PDE9A: variants seen among roughly 807,000 people sequenced by gnomAD.
PDE9A encodes phosphodiesterase 9A.
In PDE9A, 60 loss-of-function variants were observed where a neutral mutation model predicts 87.4. The ratio of observed to expected loss-of-function variants is 0.69; its 90% CI spans 0.56 to 0.85. PDE9A has a LOEUF of 0.85. Among genes scored for constraint, PDE9A ranks in the 40% least tolerant of loss-of-function variants. The pLI is 0.00. For synonymous variants in PDE9A, 272 were observed against 279.4 expected, an observed-to-expected ratio of 0.97 and a Z score of 0.27; for missense variants, 665 against 779.0, an observed-to-expected ratio of 0.85 and a Z score of 1.74.
intron 1 of PDE9A, among the ~76,000 whole-genome samples, chr21:42,684,522 G>T (rs2059340224): frequency 6.6e-6 from 1 of 152,272 alleles, no homozygotes; most frequent in Non-Finnish European, 1.5e-5. Flanking sequence ...CCAAGTGCAG[G>T]ACTCCTCGGC....
intron 15 of PDE9A, among the ~76,000 whole-genome samples, chr21:42,766,465 A>G (rs1369430444): frequency 6.6e-6 from 1 of 152,208 alleles, no homozygotes; most frequent in Non-Finnish European, 1.5e-5. Flanking sequence ...TTTAAAATCA[A>G]TAGCATCACT....
At position 42,754,043 on chromosome 21, in the gene PDE9A, CTG is replaced by C. The variant is rs1196609755; in HGVS notation, c.790_791del (p.Trp264AlafsTer6). On this transcript the variant is annotated frameshift_variant, in exon 10 of 20. Transcript: ENST00000291539. LOFTEE classifies it high-confidence loss of function. The stretch of plus-strand genomic sequence containing the variant: ...CCCTGCGGAAGCCGACCTTTGACGT[CTG>C]GCTTTGGGAGCCCAATGAGGTAAGT... ...EALRKPTFDVWLWEPNEMLSC... is the reference protein window; with the variant it reads ...EALRKPTFDVXLWEPNEMLSC... 2 of 1,613,128 alleles carry C rather than the reference CTG, an allele frequency of 1.2e-6. No homozygotes were observed. The highest frequency in any genetic ancestry group is 1.7e-6 in the Non-Finnish European group (2 of 1,179,288).
chr21:42,656,131 A>G (rs1287104843), intron 1 of PDE9A, among the ~76,000 whole-genome samples: 1 of 152,112 alleles, frequency 6.6e-6, no homozygotes, highest in Non-Finnish European at 1.5e-5. Context: ...TCCAGCGTGA[A>G]TCTGTCTCCC....
intron 4 of PDE9A, among the ~76,000 whole-genome samples, chr21:42,699,733 A>G (rs905780357): frequency 6.6e-6 from 1 of 150,984 alleles, no homozygotes; most frequent in Admixed American, 6.6e-5. Flanking sequence ...TTTTTTTTGT[A>G]TTTTTGGTAG....
chr21:42,708,355 G>A (rs552858732), intron 4 of PDE9A, among the ~76,000 whole-genome samples: 5 of 152,208 alleles, frequency 3.3e-5, no homozygotes, highest in South Asian at 4.2e-4. Flanking sequence ...GTGTCCTGAC[G>A]GCAGATTTGA....
At chr21:42,758,674 T>TGTGA in intron 10 of PDE9A, 1 of 302,034 alleles carries the variant, frequency 3.3e-6, no homozygotes, top group Non-Finnish European at 6.3e-6. Flanking sequence ...TGTGAACGGG[T>TGTGA]GCACTCTCTC....
Position 42,704,121 on chromosome 21 carries a change from C to G in PDE9A, c.262+5110C>G, listed in dbSNP as rs1347330642. ...TTGTTGAGAGCTGCACACACTTCTG[C>G]TGGGCTGGGCAAGACTTCCCTCTTC... is the stretch of plus-strand genomic sequence containing the variant. On this transcript the variant is annotated intron_variant, in intron 4 of 19. Coordinates refer to ENST00000291539, the MANE Select transcript of PDE9A (RefSeq NM_002606.3). This position sits in a 1 kb window ranked among gnomAD's most constrained non-coding sequence, Gnocchi z 5.3. Among the ~76,000 whole-genome samples, 5 of 152,220 alleles carry G rather than the reference C, an allele frequency of 3.3e-5. 1 individual carries two copies. Among genetic ancestry groups the G allele is most frequent in the Admixed American group, 2.6e-4 (4 of 15,282 alleles).
chr21:42,771,470 A>C (rs1206730905), intron 18 of PDE9A, among the ~76,000 whole-genome samples: 1 of 152,062 alleles, frequency 6.6e-6, no homozygotes. Flanking sequence ...CAGCGCCCCC[A>C]GGCAGCTAGA....
intron 19 of PDE9A, among the ~76,000 whole-genome samples, chr21:42,773,124 T>G (rs1484028398): frequency 1.3e-5 from 2 of 151,016 alleles, no homozygotes; most frequent in Non-Finnish European, 3.0e-5. Context: ...TAGCCAGGTG[T>G]TGTGGCGTGC....
At chr21:42,752,681 G>A (rs2054562627) in intron 9 of PDE9A, among the ~76,000 whole-genome samples, 2 of 152,230 alleles carry the variant, frequency 1.3e-5, no homozygotes, top group Non-Finnish European at 2.9e-5. Context: ...AAAATAAAAG[G>A]TGTCAGCCCT....
intron 4 of PDE9A, among the ~76,000 whole-genome samples, chr21:42,720,398 G>T (rs550260161): frequency 1.3e-5 from 2 of 152,180 alleles, no homozygotes; most frequent in Non-Finnish European, 2.9e-5. Flanking sequence ...GGAGGCTGAG[G>T]CAGGAGAATC....
chr21:42,661,612 A>G (rs767229328), intron 1 of PDE9A, among the ~76,000 whole-genome samples: 9 of 152,164 alleles, frequency 5.9e-5, no homozygotes, highest in South Asian at 2.1e-4. Context: ...TGCGTGGACC[A>G]CATTTTGTGT....
intron 4 of PDE9A, among the ~76,000 whole-genome samples, chr21:42,703,310 G>A (rs1214488447): frequency 6.6e-6 from 1 of 152,214 alleles, no homozygotes; most frequent in Non-Finnish European, 1.5e-5. Flanking sequence ...TCTGGGACTT[G>A]GTGAGGCCAG....
At chr21:42,673,009 A>T (rs959207833) in intron 1 of PDE9A, among the ~76,000 whole-genome samples, 1 of 152,180 alleles carries the variant, frequency 6.6e-6, no homozygotes, top group Admixed American at 6.5e-5. Flanking sequence ...GAGGAGGAGG[A>T]TCCATGAGTT....
chr21:42,740,024 C>T (rs2052944540), intron 7 of PDE9A, among the ~76,000 whole-genome samples: 1 of 152,046 alleles, frequency 6.6e-6, no homozygotes, highest in Admixed American at 6.5e-5. Flanking sequence ...CAAATTTTAT[C>T]TTTTAAAATT....
intron 4 of PDE9A, among the ~76,000 whole-genome samples, chr21:42,726,624 A>ATATATATATATATTTTTT: frequency 1.5e-4 from 3 of 19,772 alleles, no homozygotes; most frequent in African/African-American, 3.4e-4. Context: ...ATATATATAT[A>ATATATATATATATTTTTT]TTTTTTTTTT....
At position 42,659,250 on chromosome 21, in the gene PDE9A, G is replaced by A. The variant is rs146651033; in HGVS notation, c.69+5367G>A. 2.0e-3 allele frequency among the ~76,000 whole-genome samples: 312 copies of A among 152,298 alleles called. No individual in the cohort carries two copies. Among genetic ancestry groups the A allele is most frequent in the African/African-American group, 7.1e-3 (296 of 41,556 alleles). On this transcript the variant is annotated intron_variant, in intron 1 of 19. Transcript: ENST00000291539. The surrounding 1 kb of genome is among the most constrained non-coding windows in gnomAD (Gnocchi z 4.1). ...TTCCAATGTCCAGAGGCCCAGGAGG[G>A]GACAGCTGGAAGCCAGAAGCCCACC... is the stretch of plus-strand genomic sequence containing the variant.
intron 1 of PDE9A, among the ~76,000 whole-genome samples, chr21:42,662,865 C>A (rs1037273225): frequency 6.8e-6 from 1 of 146,056 alleles, no homozygotes; most frequent in South Asian, 2.2e-4. Flanking sequence ...ACATCACACA[C>A]GTACACACCA....
chr21:42,769,731 C>CGT (rs1602592609), intron 17 of PDE9A, among the ~76,000 whole-genome samples: 1 of 60,302 alleles, frequency 1.7e-5, no homozygotes, highest in East Asian at 4.6e-4. Context: ...CACACACGTA[C>CGT]AGAGGCACAC....
Sources: gnomAD v4.1 joint callset for allele counts (sites outside exome capture counted in the v4.1 genomes callset) on GRCh38, gnomAD v4.1.1 for gene constraint, Gnocchi (gnomAD v3.1) non-coding constraint, MANE v1.5 for transcripts, NCBI Gene and HGNC (gene_info 2026-07-23, HGNC 2026-07-21) for gene names.